The following NRG1 variants were observed in gnomAD, a reference collection of about 807,000 sequenced individuals.
The protein encoded by NRG1 is pro-neuregulin-1, membrane-bound isoform.
Under a neutral mutation model 63.8 loss-of-function variants are expected in NRG1, and 18 were observed. That is an observed-to-expected ratio of 0.28 (90% CI 0.19 to 0.42). The LOEUF is 0.42. Among genes scored for constraint, NRG1 ranks in the 10% least tolerant of loss-of-function variants. The pLI is 1.00. For missense variants in NRG1, 762 were observed against 814.7 expected (o/e 0.94, Z 0.79); for synonymous variants, 302 against 301.3 (o/e 1.00, Z -0.02).
At chr8:31,998,262 C>T (rs565238439) in intron 1 of NRG1, among the ~76,000 whole-genome samples, 1 of 152,044 alleles carries the variant, frequency 6.6e-6, no homozygotes, top group African/African-American at 2.4e-5. Context: ...GAGACAAACA[C>T]TGGAGAGGTT....
chr8:32,053,014 T>C (rs1465778381), intron 1 of NRG1, among the ~76,000 whole-genome samples: 1 of 152,176 alleles, frequency 6.6e-6, no homozygotes, highest in Non-Finnish European at 1.5e-5. Flanking sequence ...GTAGTAAACA[T>C]AGAATGAACT....
At chr8:32,740,834 A>C (rs1826153457) in intron 6 of NRG1, among the ~76,000 whole-genome samples, 1 of 152,214 alleles carries the variant, frequency 6.6e-6, no homozygotes, top group South Asian at 2.1e-4. Context: ...TGATGCCAAA[A>C]ATATAGTATG....
chr8:31,698,704 T>C (rs1342094374), intron 1 of NRG1, among the ~76,000 whole-genome samples: 1 of 152,204 alleles, frequency 6.6e-6, no homozygotes, highest in African/African-American at 2.4e-5. Flanking sequence ...TATGAAGCAA[T>C]ACATTTTCCT....
chr8:32,411,755 A>G (rs922885563), intron 1 of NRG1, among the ~76,000 whole-genome samples: 2 of 152,228 alleles, frequency 1.3e-5, no homozygotes, highest in African/African-American at 4.8e-5. Flanking sequence ...CATTTGCACC[A>G]TTCTAAAATC....
rs1441002654 is a variant in NRG1, at chr8:31,817,612, AGC to A, written c.37+178182_37+178183del. The stretch of plus-strand genomic sequence containing the variant: ...AAAAAATCAATCTGTGGTATAGTAG[AGC>A]TAGGAATATTCCCTTTTTGGTTGAC... On this transcript the variant is annotated intron_variant, in intron 1 of 10. Transcript: ENST00000519301. 4.1e-4 allele frequency among the ~76,000 whole-genome samples: 62 copies of A among 152,318 alleles called. 1 individual carries two copies. Among genetic ancestry groups the A allele is most frequent in the African/African-American group, 1.3e-3 (55 of 41,570 alleles).
At chr8:32,547,307 G>T (rs1456118371), upstream of NRG1, among the ~76,000 whole-genome samples, 1 of 152,126 alleles carries the variant, frequency 6.6e-6, no homozygotes, top group Non-Finnish European at 1.5e-5. Context: ...GCGCAGTTCT[G>T]AGTAAAGTTT....
At chr8:31,798,502 A>G (rs1434428582) in intron 1 of NRG1, among the ~76,000 whole-genome samples, 1 of 152,178 alleles carries the variant, frequency 6.6e-6, no homozygotes, top group Admixed American at 6.5e-5. Flanking sequence ...TTTGAATAAA[A>G]ATATGTTAAA....
At chr8:31,648,268 G>A (rs1425041780) in intron 1 of NRG1, among the ~76,000 whole-genome samples, 1 of 151,130 alleles carries the variant, frequency 6.6e-6, no homozygotes, top group African/African-American at 2.4e-5. Flanking sequence ...CGTGTAGCTG[G>A]GACTACAGGC....
chr8:31,966,038 G>A (rs142913474), intron 1 of NRG1, among the ~76,000 whole-genome samples: 6 of 152,058 alleles, frequency 3.9e-5, no homozygotes, highest in East Asian at 3.9e-4. Flanking sequence ...GAGTGTATAC[G>A]GAGAGCCCAA....
At chr8:32,548,925 C>T (rs1833530952) in intron 1 of NRG1, 99 bp downstream of exon 1, 2 of 1,393,948 alleles carry the variant, frequency 1.4e-6, no homozygotes, top group Non-Finnish European at 1.9e-6. Context: ...CCCTCTCCCT[C>T]GCCCGTCCTC....
intron 1 of NRG1, among the ~76,000 whole-genome samples, chr8:32,472,798 C>G (rs1162052788): frequency 6.6e-6 from 1 of 152,186 alleles, no homozygotes; most frequent in East Asian, 1.9e-4. Flanking sequence ...CCCACCTCCC[C>G]CATAACACTG....
At position 31,871,315 on chromosome 8, in the gene NRG1, C is replaced by T. The variant is rs555462808; in HGVS notation, c.37+231884C>T. Among the ~76,000 whole-genome samples the T allele has an allele frequency of 6.6e-5, 10 of 152,198 alleles. No homozygotes were observed. In the South Asian group the frequency reaches 8.3e-4, roughly 13 times the overall value. On this transcript the variant is annotated intron_variant, in intron 1 of 10. Coordinates refer to the NRG1 transcript ENST00000519301. The stretch of plus-strand genomic sequence containing the variant: ...CAAGAAAGCCAGACATTCTGTGACA[C>T]GGTAAATGAAAAAGGGCTTGGACCC...
At chr8:31,687,851 G>A (rs1397082863) in intron 1 of NRG1, among the ~76,000 whole-genome samples, 1 of 152,212 alleles carries the variant, frequency 6.6e-6, no homozygotes, top group Non-Finnish European at 1.5e-5. Flanking sequence ...AATGGATGCG[G>A]CTGTCACCTC....
chr8:32,122,941 A>G lies in NRG1; in HGVS notation c.38-472887A>G, dbSNP rs558323925. Among the ~76,000 whole-genome samples, 60 of 152,080 alleles carry G rather than the reference A, an allele frequency of 3.9e-4. 1 individual carries two copies. The South Asian group carries it at 0.012, about 30-fold the overall frequency. On this transcript the variant is annotated intron_variant, in intron 1 of 10. Transcript: ENST00000519301. ...TTTCCATTTTCATCCATGTCCCTAC[A>G]AAGGACATAAGGAAATGTGGCACAT... is the stretch of plus-strand genomic sequence containing the variant.
chr8:31,845,663 T>C (rs944371597), intron 1 of NRG1, among the ~76,000 whole-genome samples: 3 of 152,286 alleles, frequency 2.0e-5, no homozygotes, highest in South Asian at 4.1e-4. Context: ...ATTCCTTTAA[T>C]TGCATTCTGA....
At chr8:31,964,261 G>T (rs113069526) in intron 1 of NRG1, among the ~76,000 whole-genome samples, 5 of 152,324 alleles carry the variant, frequency 3.3e-5, no homozygotes, top group Non-Finnish European at 5.9e-5. Flanking sequence ...TGCCAGTAAG[G>T]CTCCTATATC....
chr8:32,083,746 A>G (rs945269784), intron 1 of NRG1, among the ~76,000 whole-genome samples: 1 of 151,706 alleles, frequency 6.6e-6, no homozygotes, highest in African/African-American at 2.4e-5. Context: ...AGAAAACATT[A>G]AGTCTTATTT....
chr8:32,006,512 G>A (rs1362228525), intron 1 of NRG1, among the ~76,000 whole-genome samples: 1 of 152,024 alleles, frequency 6.6e-6, no homozygotes, highest in East Asian at 1.9e-4. Flanking sequence ...CACAGAAGCT[G>A]TTCAAAGCAG....
chr8:31,868,457 A>T (rs1163707374), intron 1 of NRG1, among the ~76,000 whole-genome samples: 1 of 152,214 alleles, frequency 6.6e-6, no homozygotes, highest in Non-Finnish European at 1.5e-5. Context: ...ATTGCGTAGT[A>T]ATTCACTGAT....
Sources: allele counts gnomAD v4.1 joint callset (sites outside exome capture counted in the v4.1 genomes callset), GRCh38; gene constraint gnomAD v4.1.1; transcripts MANE v1.5; gene names NCBI Gene and HGNC (gene_info 2026-07-23, HGNC 2026-07-21).